LANCL3: variants seen among roughly 807,000 people sequenced by gnomAD.
The protein encoded by LANCL3 is lanC-like protein 3.
LANCL3 carries 19 observed loss-of-function variants against 26.5 expected under a neutral mutation model. The observed-to-expected ratio is 0.72, with a 90% confidence interval of 0.50 to 1.05. The LOEUF (loss-of-function observed/expected upper bound fraction) is 1.05, where lower values mean the gene tolerates loss of function less well. Ranked by LOEUF, LANCL3 falls within the 50% of genes least tolerant of loss-of-function variation. The pLI is 0.00. For missense variants in LANCL3, 318 were observed against 362.7 expected (o/e 0.88, Z 1.00); for synonymous variants, 160 against 166.6 (o/e 0.96, Z 0.30).
In LANCL3 at chrX:37,675,700, G is replaced by T; in HGVS notation, c.1150G>T (p.Val384Phe). ...CGAGGAATTCAAGGCCGGTTCTCGG[G>T]TCCTTGAAAGTATATACAGCTTGTA... ...FTEEFKAGSRVLESIYSLYEG... is the reference protein window; with the variant it reads ...FTEEFKAGSRFLESIYSLYEG... Residue 384 changes from valine to phenylalanine, a missense_variant, in exon 5 of 5, where the codon GTC becomes TTC. Coordinates refer to ENST00000378619, the MANE Select transcript of LANCL3 (RefSeq NM_001170331.2). 1 of 1,154,426 alleles carries T rather than the reference G, an allele frequency of 8.7e-7. No individual in the cohort carries two copies. The highest frequency in any genetic ancestry group is 1.2e-6 in the Non-Finnish European group (1 of 865,505).
At chrX:37,577,418 G>C (rs1156719572) in intron 1 of LANCL3, among the ~76,000 whole-genome samples, 8 of 112,545 alleles carry the variant, frequency 7.1e-5, no homozygotes, top group African/African-American at 2.3e-4. Context: ...TGATACTTTT[G>C]AAACAGTGAT....
chrX:37,591,360 C>T (rs1428083538), intron 1 of LANCL3, among the ~76,000 whole-genome samples: 10 of 111,529 alleles, frequency 9.0e-5, no homozygotes, highest in Non-Finnish European at 1.7e-4. Flanking sequence ...AGGTTCTAGG[C>T]ATCTCTGGTG....
At chrX:37,669,196 A>C (rs1556435150) in intron 4 of LANCL3, among the ~76,000 whole-genome samples, 1 of 111,187 alleles carries the variant, frequency 9.0e-6, no homozygotes, top group African/African-American at 3.3e-5. Context: ...GTAGCTTATA[A>C]TTTTATTTAT....
intron 1 of LANCL3, among the ~76,000 whole-genome samples, chrX:37,629,476 G>T (rs1258680159): frequency 5.5e-5 from 6 of 108,510 alleles, no homozygotes; most frequent in East Asian, 5.7e-4. Context: ...GTCAATTTTG[G>T]CTTTTGTTGC....
rs1253529827 is a variant in LANCL3, at chrX:37,681,830, G to A, written c.*6017G>A. ...TTTATCTTTGTATTCAGAATCACCC[G>A]AGAGCCACAATATCTCTTTTGTTCT... On this transcript the variant is annotated 3_prime_UTR_variant, in exon 5 of 5. Transcript: ENST00000378619. 3.6e-5 allele frequency: 4 copies of A among 111,151 alleles called. No individual in the cohort carries two copies. Among genetic ancestry groups the A allele is most frequent in the Admixed American group, 1.9e-4 (2 of 10,469 alleles). 9.2% of individuals were successfully genotyped at this position (111,151 alleles called of 1,213,427 possible).
intron 4 of LANCL3, among the ~76,000 whole-genome samples, chrX:37,668,100 A>G (rs1453651330): frequency 1.8e-5 from 2 of 109,002 alleles, no homozygotes; most frequent in African/African-American, 6.7e-5. Flanking sequence ...TATAATACAT[A>G]TATATGTGTG....
intron 1 of LANCL3, among the ~76,000 whole-genome samples, chrX:37,594,252 A>G (rs1334204894): frequency 8.9e-6 from 1 of 112,361 alleles, no homozygotes; most frequent in Non-Finnish European, 1.9e-5. Context: ...CATTGCAACC[A>G]AGATAAACTG....
intron 1 of LANCL3, among the ~76,000 whole-genome samples, chrX:37,610,390 G>C (rs934746493): frequency 3.2e-4 from 36 of 112,159 alleles, no homozygotes; most frequent in African/African-American, 1.1e-3. Flanking sequence ...GGCTCAATGG[G>C]AAAGAGAGTG....
intron 1 of LANCL3, among the ~76,000 whole-genome samples, chrX:37,637,716 A>G (rs991250648): frequency 2.7e-5 from 3 of 112,275 alleles, no homozygotes; most frequent in African/African-American, 9.7e-5. Context: ...TTAAGCCACT[A>G]GAAGTGAGAT....
At position 37,675,827 on chromosome X, in the gene LANCL3, C is replaced by T. The variant is rs782397153; in HGVS notation, c.*14C>T. On this transcript the variant is annotated 3_prime_UTR_variant, in exon 5 of 5. Transcript: ENST00000378619. ...GTCTTTGTTTAGAAGGCTCTATCTTCCACTGTGGCCCTGCAGAGATCCCCT... is the reference window on the plus strand; with the variant it reads ...GTCTTTGTTTAGAAGGCTCTATCTTTCACTGTGGCCCTGCAGAGATCCCCT... The T allele has an allele frequency of 7.1e-6, 8 of 1,120,727 alleles. No individual in the cohort carries two copies. In the South Asian group the frequency reaches 1.6e-4, roughly 23 times the overall value. 92.4% of individuals were successfully genotyped at this position (1,120,727 alleles called of 1,213,427 possible).
chrX:37,662,326 A>G (rs1361847493), intron 3 of LANCL3, among the ~76,000 whole-genome samples: 1 of 112,581 alleles, frequency 8.9e-6, no homozygotes, highest in East Asian at 2.8e-4. Context: ...TCTCAACCGC[A>G]TTAGGTTACA....
chrX:37,642,847 T>C (rs142619925), intron 1 of LANCL3, among the ~76,000 whole-genome samples: 1,694 of 112,368 alleles, frequency 0.015, 37 homozygotes, highest in African/African-American at 0.051. Flanking sequence ...CGCTAACTAA[T>C]AGTGTAAGCC....
intron 1 of LANCL3, among the ~76,000 whole-genome samples, chrX:37,629,515 TC>T (rs1925419274): frequency 9.4e-6 from 1 of 105,964 alleles, no homozygotes; most frequent in Admixed American, 1.0e-4. Context: ...AGACATGAAG[TC>T]CTTGCCCATG....
intron 1 of LANCL3, among the ~76,000 whole-genome samples, chrX:37,631,192 G>T (rs1303809010): frequency 3.6e-5 from 4 of 111,794 alleles, no homozygotes; most frequent in African/African-American, 6.5e-5. Context: ...GGGTGTATGT[G>T]TCGAGAAATT....
chrX:37,644,208 A>G (rs1925935605), intron 1 of LANCL3, among the ~76,000 whole-genome samples: 1 of 111,362 alleles, frequency 9.0e-6, no homozygotes, highest in Non-Finnish European at 1.9e-5. Flanking sequence ...TTTTCTGGCC[A>G]GGAGCATCAC....
intron 1 of LANCL3, among the ~76,000 whole-genome samples, chrX:37,650,580 G>C (rs1217219016): frequency 9.4e-6 from 1 of 106,445 alleles, no homozygotes; most frequent in African/African-American, 3.4e-5. Flanking sequence ...GGTGGGTATT[G>C]TATGGAAAAT....
chrX:37,580,075 G>A (rs1394655211), intron 1 of LANCL3, among the ~76,000 whole-genome samples: 1 of 111,820 alleles, frequency 8.9e-6, no homozygotes, highest in Non-Finnish European at 1.9e-5. Flanking sequence ...GGATTTGAGC[G>A]GTTCCCATTT....
intron 1 of LANCL3, among the ~76,000 whole-genome samples, chrX:37,622,077 C>T (rs1240133463): frequency 2.7e-5 from 3 of 111,380 alleles, no homozygotes; most frequent in Non-Finnish European, 5.7e-5. Context: ...GAACCACCCC[C>T]GTCCCCTGAG....
intron 1 of LANCL3, among the ~76,000 whole-genome samples, chrX:37,623,533 T>TTTAAAAAAA (rs1925227060): frequency 8.9e-6 from 1 of 112,429 alleles, no homozygotes; most frequent in Non-Finnish European, 1.9e-5. Context: ...TTTTAAAAAG[T>TTTAAAAAAA]GATTCTTTTA....
Sources: gnomAD v4.1 joint callset for allele counts (sites outside exome capture counted in the v4.1 genomes callset) on GRCh38, gnomAD v4.1.1 for gene constraint, MANE v1.5 for transcripts, NCBI Gene and HGNC (gene_info 2026-07-23, HGNC 2026-07-21) for gene names.